IKZF2: variants seen among roughly 807,000 people sequenced by gnomAD.
The protein encoded by IKZF2 is IKAROS family zinc finger 2, also known as zinc finger protein Helios.
A neutral mutation model predicts 49.2 loss-of-function variants in IKZF2; 15 were observed. That is an observed-to-expected ratio of 0.30 (90% CI 0.20 to 0.47). IKZF2 has a LOEUF of 0.47. Ranked by LOEUF, IKZF2 falls within the 20% of genes least tolerant of loss-of-function variation. The pLI, the probability that IKZF2 is intolerant of heterozygous loss-of-function variation, is 1.00. For missense variants in IKZF2, 567 were observed against 664.6 expected, an observed-to-expected ratio of 0.85 and a Z score of 1.61; for synonymous variants, 227 against 221.4, an observed-to-expected ratio of 1.03 and a Z score of -0.23.
chr2:213,149,753 C>G (rs1160910408), intron 2 of IKZF2, among the ~76,000 whole-genome samples: 1 of 151,002 alleles, frequency 6.6e-6, no homozygotes, highest in Admixed American at 6.6e-5. Context: ...CCTCCCCTCC[C>G]CTTCTTCACC....
chr2:213,057,584 AC>A (rs1701283821), intron 4 of IKZF2, among the ~76,000 whole-genome samples: 2 of 152,176 alleles, frequency 1.3e-5, no homozygotes, highest in South Asian at 4.1e-4. Flanking sequence ...GGCAAGAGAA[AC>A]AATTCAGGAT....
In IKZF2 at chr2:213,005,568, T is replaced by C. The variant is rs998576274; in HGVS notation, c.*1792A>G. The C allele has an allele frequency of 1.3e-5, 2 of 152,006 alleles. No individual in the cohort carries two copies. Among genetic ancestry groups the C allele is most frequent in the African/African-American group, 4.8e-5 (2 of 41,418 alleles). The allele number at this position is 152,006 out of a possible 1,614,324, so 9.4% of individuals were successfully genotyped here. A position where few individuals can be genotyped will look rare whatever the true frequency, so the allele number is the denominator to read the frequency against. ...ACTTGGTAATTCTCATACCACACTG[T>C]ATTAAGATACATAATTTCAGCATCC... On this transcript the variant is annotated 3_prime_UTR_variant, in exon 9 of 9. Transcript: ENST00000434687.
In IKZF2 at chr2:213,050,536, G is replaced by A. The variant is rs1009697274; in HGVS notation, c.407-656C>T. On this transcript the variant is annotated intron_variant, in intron 5 of 8. Transcript: ENST00000434687. ...TCATTAGTACAAGATTTTCAAATAC[G>A]GGCCAGGTTTCTTGATTCTCCTGGT... 2.6e-5 allele frequency among the ~76,000 whole-genome samples: 4 copies of A among 152,114 alleles called. No homozygotes were observed. The East Asian group carries it at 5.8e-4, about 22-fold the overall frequency.
chr2:213,014,723 GCAGA>G (rs932373311), intron 7 of IKZF2: 1 of 151,932 alleles, frequency 6.6e-6, no homozygotes, highest in African/African-American at 2.4e-5. Flanking sequence ...CATTCATAGT[GCAGA>G]CAAAGAACTT....
chr2:213,024,747 T>C (rs1697625680), intron 6 of IKZF2, among the ~76,000 whole-genome samples: 2 of 152,106 alleles, frequency 1.3e-5, no homozygotes, highest in South Asian at 4.1e-4. Context: ...TTTTCAGACA[T>C]TGCCAACAAT....
At chr2:213,080,179 G>GAGATAGAC (rs1553571259) in intron 4 of IKZF2, among the ~76,000 whole-genome samples, 1 of 97,096 alleles carries the variant, frequency 1.0e-5, no homozygotes, top group East Asian at 2.0e-4. Context: ...AATCTATATA[G>GAGATAGAC]AGATAGATAG....
At chr2:213,079,786 C>T (rs968429147) in intron 4 of IKZF2, among the ~76,000 whole-genome samples, 1 of 152,184 alleles carries the variant, frequency 6.6e-6, no homozygotes, top group Non-Finnish European at 1.5e-5. Flanking sequence ...TCCCAAAGTG[C>T]TACCCACCTT....
chr2:213,150,256 A>T lies in IKZF2; in HGVS notation c.-119-9T>A. On this transcript the variant is annotated splice_polypyrimidine_tract_variant and intron_variant, in intron 1 of 8. Transcript: ENST00000434687. ...GAGGTGACAATGTCGGGCTGAAGAT[A>T]AACGGAGGGAGAAAGAAAGAAGTTT... 4.7e-6 allele frequency: 5 copies of T among 1,071,028 alleles called. No homozygotes were observed. The highest frequency in any genetic ancestry group is 6.4e-6 in the Non-Finnish European group (5 of 778,172). 66.3% of individuals were successfully genotyped at this position (1,071,028 alleles called of 1,614,324 possible). A position where few individuals can be genotyped will look rare whatever the true frequency, so the allele number is the denominator to read the frequency against.
intron 4 of IKZF2, among the ~76,000 whole-genome samples, chr2:213,067,464 C>T (rs904943154): frequency 1.3e-5 from 2 of 151,978 alleles, no homozygotes; most frequent in African/African-American, 4.8e-5. Context: ...GTGAATGACA[C>T]CATTTTTTCC....
At chr2:213,126,454 G>A (rs1033715012) in intron 4 of IKZF2, among the ~76,000 whole-genome samples, 59 of 152,030 alleles carry the variant, frequency 3.9e-4, no homozygotes, top group South Asian at 6.2e-4. Context: ...TGAGATTATC[G>A]TTTTAAGGTT....
chr2:213,038,162 G>A (rs899269497), intron 6 of IKZF2, among the ~76,000 whole-genome samples: 94 of 151,282 alleles, frequency 6.2e-4, no homozygotes, highest in African/African-American at 2.1e-3. Flanking sequence ...CCAGATGCAC[G>A]CCGTTCTCCT....
chr2:213,027,363 A>G (rs1315104744), intron 6 of IKZF2, among the ~76,000 whole-genome samples: 1 of 152,060 alleles, frequency 6.6e-6, no homozygotes, highest in Non-Finnish European at 1.5e-5. Flanking sequence ...TTTTTTGTGC[A>G]GCTTTTAATT....
At chr2:213,105,276 A>G (rs905022773) in intron 4 of IKZF2, among the ~76,000 whole-genome samples, 2 of 151,884 alleles carry the variant, frequency 1.3e-5, no homozygotes, top group Admixed American at 6.6e-5. Flanking sequence ...TTCCCTCCCA[A>G]TCATAGCCCG....
At position 213,002,651 on chromosome 2, in the gene IKZF2, A is replaced by C. The variant is rs540708538; in HGVS notation, c.*4709T>G. The C allele has an allele frequency of 2.6e-5, 4 of 151,988 alleles. No individual in the cohort carries two copies. The East Asian group carries it at 5.8e-4, about 22-fold the overall frequency. 9.4% of individuals were successfully genotyped at this position (151,988 alleles called of 1,614,324 possible). ...AACCATTTGAGATTATGCTTTGGAG[A>C]ATAGCAATGTGATATGACTGTTCAG... On this transcript the variant is annotated 3_prime_UTR_variant, in exon 9 of 9. Transcript: ENST00000434687.
chr2:213,138,127 T>TA (rs1165308422), intron 4 of IKZF2, among the ~76,000 whole-genome samples: 1 of 152,142 alleles, frequency 6.6e-6, no homozygotes, highest in African/African-American at 2.4e-5. Context: ...TACATGCTAC[T>TA]AAAAACAGTT....
chr2:213,151,856 T>C (rs972295106), upstream of IKZF2, among the ~76,000 whole-genome samples: 3 of 149,114 alleles, frequency 2.0e-5, no homozygotes, highest in African/African-American at 7.3e-5. Flanking sequence ...AGAGCGCGTG[T>C]GCGCGCGCGC....
At chr2:213,052,646 A>C (rs1700780935) in intron 5 of IKZF2, among the ~76,000 whole-genome samples, 1 of 152,112 alleles carries the variant, frequency 6.6e-6, no homozygotes. Context: ...AACAAGGATT[A>C]AAACAGAGGG....
chr2:213,074,887 G>A (rs922428467), intron 4 of IKZF2, among the ~76,000 whole-genome samples: 11 of 152,094 alleles, frequency 7.2e-5, no homozygotes, highest in South Asian at 2.1e-4. Context: ...GTTATTAAAC[G>A]TAAGCCTAAA....
intron 4 of IKZF2, among the ~76,000 whole-genome samples, chr2:213,101,290 TGAG>T (rs1349489839): frequency 6.6e-6 from 1 of 152,126 alleles, no homozygotes; most frequent in Non-Finnish European, 1.5e-5. Flanking sequence ...GACTAAGATT[TGAG>T]AAGAAGATGA....
Sources: allele counts gnomAD v4.1 joint callset (sites outside exome capture counted in the v4.1 genomes callset), GRCh38; gene constraint gnomAD v4.1.1; transcripts MANE v1.5; gene names NCBI Gene and HGNC (gene_info 2026-07-23, HGNC 2026-07-21).